The following VPS13C variants were observed in gnomAD, a reference collection of about 807,000 sequenced individuals.
The protein encoded by VPS13C is intermembrane lipid transfer protein VPS13C.
A neutral mutation model predicts 456.8 loss-of-function variants in VPS13C; 358 were observed. The observed-to-expected ratio is 0.78, with a 90% CI of 0.72 to 0.86. The LOEUF (loss-of-function observed/expected upper bound fraction) is 0.86. VPS13C is among the 40% of genes least tolerant of loss of function. VPS13C has a pLI of 0.00. For synonymous variants in VPS13C, 1,578 were observed against 1,486.7 expected, an observed-to-expected ratio of 1.06 and a Z score of -1.41; for missense variants, 4,818 against 4,385.4, an observed-to-expected ratio of 1.10 and a Z score of -2.79.
At chr15:61,908,947 T>C (rs772290949) in intron 65 of VPS13C, 45 bp downstream of exon 65, 4 of 1,600,730 alleles carry the variant, frequency 2.5e-6, no homozygotes, top group South Asian at 1.1e-5. Context: ...CATTAGTTAC[T>C]ATGAACCAAT....
rs552568234 is a variant in VPS13C, at chr15:62,025,931, T to A, written c.449-2086A>T. ...AGGCCATTACATAATAACATACAGT[T>A]ATAAAAATAGCTATATTTTTTAAAC... On this transcript the variant is annotated intron_variant, in intron 6 of 84. Coordinates refer to ENST00000644861, the MANE Select transcript of VPS13C (RefSeq NM_020821.3). 3.3e-5 allele frequency among the ~76,000 whole-genome samples: 5 copies of A among 151,624 alleles called. No homozygotes were observed. The East Asian group carries it at 7.8e-4, about 24-fold the overall frequency.
At chr15:61,995,135 T>TA (rs991382800) in intron 16 of VPS13C, among the ~76,000 whole-genome samples, 2 of 152,214 alleles carry the variant, frequency 1.3e-5, no homozygotes, top group African/African-American at 4.8e-5. Context: ...CATTATTCTA[T>TA]AAAAATTGCT....
At chr15:62,016,757 C>T (rs936966678) in intron 9 of VPS13C, among the ~76,000 whole-genome samples, 1 of 152,028 alleles carries the variant, frequency 6.6e-6, no homozygotes, top group Non-Finnish European at 1.5e-5. Flanking sequence ...TTTAGAGCAG[C>T]ATGATTTATA....
chr15:62,028,146 G>A, intron 6 of VPS13C, among the ~76,000 whole-genome samples: 1 of 151,920 alleles, frequency 6.6e-6, no homozygotes, highest in Non-Finnish European at 1.5e-5. Context: ...GCATCATCCA[G>A]CACAGTGATT....
chr15:61,955,197 G>T (rs992751370), intron 37 of VPS13C, among the ~76,000 whole-genome samples: 1 of 152,156 alleles, frequency 6.6e-6, no homozygotes, highest in Non-Finnish European at 1.5e-5. Context: ...GTGCTCATCT[G>T]TGTGGCAGAC....
chr15:62,008,714 C>A lies in VPS13C; in HGVS notation c.1059G>T (p.Arg353Ser). The A allele has an allele frequency of 6.2e-7, 1 of 1,607,878 alleles. No homozygotes were observed. The highest frequency in any genetic ancestry group is 1.1e-5 in the South Asian group (1 of 89,980). ...DLLESVDYMV[R>S]NAPYRKYKPY... is the part of the protein sequence containing the mutation. ...GCTTGTATTTCCTATAAGGCGCATTCCTAACCATATAATCCACTGACTCCA... is the reference window on the plus strand; with the variant it reads ...GCTTGTATTTCCTATAAGGCGCATTACTAACCATATAATCCACTGACTCCA... The change falls in exon 14 of 85, where the codon AGG (arginine) becomes AGT (serine). Residue 353 changes from arginine (R) to serine (S), a missense_variant. By Grantham distance (110) the Arg-to-Ser change is moderately radical. This residue lies in a region of VPS13C where 4,552 missense variants were observed against 4,130.6 expected (regional missense o/e 1.10). Transcript: ENST00000644861.
chr15:61,902,758 T>C (rs925345228), intron 66 of VPS13C, among the ~76,000 whole-genome samples: 5 of 151,942 alleles, frequency 3.3e-5, no homozygotes, highest in South Asian at 2.1e-4. Context: ...GAAGGAAAAT[T>C]TGAAAGCCTT....
rs189349140 is a variant in VPS13C, at chr15:61,887,389, T to G, written c.9341+2776A>C. On this transcript the variant is annotated intron_variant, in intron 67 of 84. Coordinates refer to ENST00000644861, the MANE Select transcript of VPS13C (RefSeq NM_020821.3). ...TACCAAAGTCTTTCAACAAATTATG[T>G]TGGAACACCTGGACATCCATATGCA... Among the ~76,000 whole-genome samples the G allele has an allele frequency of 9.5e-4, 145 of 152,344 alleles. 1 individual carries two copies. The highest frequency in any genetic ancestry group is 3.4e-3 in the African/African-American group (142 of 41,592).
intron 50 of VPS13C, 58 bp downstream of exon 50, chr15:61,931,032 G>A: frequency 6.3e-7 from 1 of 1,592,250 alleles, no homozygotes. Flanking sequence ...ATGCCTGGCA[G>A]CCATGCAGGT....
intron 81 of VPS13C, chr15:61,866,901 G>T: frequency 1.0e-6 from 1 of 983,402 alleles, no homozygotes; most frequent in African/African-American, 1.7e-5. Context: ...TTAAATCTAA[G>T]TTTATACTTT....
intron 64 of VPS13C, among the ~76,000 whole-genome samples, chr15:61,909,383 CT>C (rs2043236518): frequency 6.6e-6 from 1 of 152,008 alleles, no homozygotes; most frequent in East Asian, 1.9e-4. Context: ...AATTTTTGTA[CT>C]TTTTAATAGA....
rs768229530 is a variant in VPS13C, at chr15:61,890,168, G to T, written c.9338C>A (p.Thr3113Asn). Residue 3113 changes from threonine (T) to asparagine (N), a missense_variant, in exon 67 of 85, where the codon ACC becomes AAC. Physicochemically the swap from Thr to Asn is moderately conservative, Grantham distance 65. Transcript: ENST00000644861. ...SKQEVSYIGI[T>N]SSGVVWEVKP... ...TCTTATTTTCCTTCTTGCATACCTG[G>T]TTATCCCAATATAGGAAACTTCCTG... 1.2e-6 allele frequency: 2 copies of T among 1,613,736 alleles called. No homozygotes were observed. Among genetic ancestry groups the T allele is most frequent in the South Asian group, 1.1e-5 (1 of 91,064 alleles).
chr15:61,934,136 C>T (rs746862027), intron 49 of VPS13C, 83 bp downstream of exon 49: 40 of 813,132 alleles, frequency 4.9e-5, no homozygotes, highest in Non-Finnish European at 7.1e-5. Context: ...AATGAAAAGT[C>T]CCACACAAAA....
At position 61,963,849 on chromosome 15, in the gene VPS13C, T is replaced by G. The variant is rs139254530; in HGVS notation, c.3317A>C (p.Glu1106Ala). The G allele has an allele frequency of 3.4e-5, 54 of 1,608,302 alleles. No homozygotes were observed. The highest frequency in any genetic ancestry group is 4.2e-5 in the Non-Finnish European group (50 of 1,177,364). Residue 1106 changes from glutamate (E) to alanine (A), a missense_variant, in exon 32 of 85, where the codon GAA (glutamate) becomes GCA (alanine). Transcript: ENST00000644861. ...IVCNEKNNIA[E>A]IKIQGLDSSL... ...TGAACTTTTACCTTGAATCTTGATTTCGGCGATATTGTTCTTTTCGTTGCA... is the reference window on the plus strand; with the variant it reads ...TGAACTTTTACCTTGAATCTTGATTGCGGCGATATTGTTCTTTTCGTTGCA...
At chr15:62,027,399 T>A (rs1472236450) in intron 6 of VPS13C, among the ~76,000 whole-genome samples, 1 of 152,086 alleles carries the variant, frequency 6.6e-6, no homozygotes, top group Non-Finnish European at 1.5e-5. Context: ...CTATCTTTGA[T>A]ATTAAACAAA....
intron 16 of VPS13C, among the ~76,000 whole-genome samples, chr15:61,997,968 C>T (rs969205301): frequency 2.0e-5 from 3 of 152,140 alleles, no homozygotes; most frequent in Non-Finnish European, 2.9e-5. Context: ...CCAAAATCCA[C>T]ACAATGGCTT....
At chr15:62,024,176 C>T (rs2047556372) in intron 6 of VPS13C, among the ~76,000 whole-genome samples, 1 of 151,750 alleles carries the variant, frequency 6.6e-6, no homozygotes, top group African/African-American at 2.4e-5. Context: ...TCAATATTAC[C>T]AAAATATTGG....
intron 50 of VPS13C, 144 bp downstream of exon 50, chr15:61,930,943 CACT>C: frequency 1.2e-6 from 1 of 842,596 alleles, no homozygotes; most frequent in Non-Finnish European, 1.9e-6. Flanking sequence ...CTGATATTAG[CACT>C]ACTTCTTAAT....
chr15:61,880,926 C>CCATT lies in VPS13C; in HGVS notation c.9801_9804dup (p.Ala3269AsnfsTer6). The CCATT allele has an allele frequency of 6.2e-7, 1 of 1,608,078 alleles. No homozygotes were observed. The highest frequency in any genetic ancestry group is 8.5e-7 in the Non-Finnish European group (1 of 1,177,352). On this transcript the variant is annotated frameshift_variant, in exon 72 of 85. Coordinates refer to ENST00000644861, the MANE Select transcript of VPS13C (RefSeq NM_020821.3). LOFTEE classifies it high-confidence loss of function. ...AGAAACCCTTGATCAATTTTTAAGGCCATTTCCTGAATGAGGACCATAAAA... is the reference window on the plus strand; with the variant it reads ...AGAAACCCTTGATCAATTTTTAAGGCCATTCATTTCCTGAATGAGGACCATAAAA...
Sources: gnomAD v4.1 joint callset for allele counts (sites outside exome capture counted in the v4.1 genomes callset) on GRCh38, gnomAD v4.1.1 for gene constraint, gnomAD v4.1.1 regional missense constraint, MANE v1.5 for transcripts, NCBI Gene and HGNC (gene_info 2026-07-23, HGNC 2026-07-21) for gene names.